PLGRKT: variants seen among roughly 807,000 people sequenced by gnomAD.
PLGRKT encodes plasminogen receptor with a C-terminal lysine, also known as plasminogen receptor (KT).
PLGRKT carries 22 observed loss-of-function variants against 18.5 expected under a neutral mutation model. The ratio of observed to expected loss-of-function variants is 1.19; its 90% confidence interval spans 0.85 to 1.70. The LOEUF (loss-of-function observed/expected upper bound fraction) is 1.70, where lower values mean the gene tolerates loss of function less well. PLGRKT is among the 40% of genes most tolerant of loss of function. The pLI, the probability that PLGRKT is intolerant of heterozygous loss-of-function variation, is 0.00. For synonymous variants in PLGRKT, 72 were observed against 52.8 expected (o/e 1.36, Z -1.58); for missense variants, 235 against 174.4 (o/e 1.35, Z -1.96).
At chr9:5,406,833 A>G (rs1227334996) in intron 3 of PLGRKT, among the ~76,000 whole-genome samples, 2 of 152,208 alleles carry the variant, frequency 1.3e-5, no homozygotes, top group South Asian at 2.1e-4. Flanking sequence ...ATTCACCACT[A>G]TAGAATTCAT....
At chr9:5,380,990 T>G (rs1817733079) in intron 3 of PLGRKT, among the ~76,000 whole-genome samples, 1 of 152,194 alleles carries the variant, frequency 6.6e-6, no homozygotes, top group Admixed American at 6.5e-5. Flanking sequence ...CACTTCCCCC[T>G]TTCTCTCTGT....
At chr9:5,390,996 C>T (rs1342534662) in intron 3 of PLGRKT, among the ~76,000 whole-genome samples, 1 of 151,784 alleles carries the variant, frequency 6.6e-6, no homozygotes, top group Non-Finnish European at 1.5e-5. Flanking sequence ...TTGCACTATT[C>T]GGTCTCTCCA....
chr9:5,415,146 T>C (rs1818435083), intron 3 of PLGRKT, among the ~76,000 whole-genome samples: 1 of 152,130 alleles, frequency 6.6e-6, no homozygotes, highest in African/African-American at 2.4e-5. Context: ...TGGCATATAT[T>C]GTGATCACAG....
intron 3 of PLGRKT, among the ~76,000 whole-genome samples, chr9:5,415,641 C>A (rs1818445268): frequency 6.6e-6 from 1 of 152,114 alleles, no homozygotes; most frequent in African/African-American, 2.4e-5. Context: ...TAAGACATAT[C>A]AACTTCATGT....
intron 2 of PLGRKT, among the ~76,000 whole-genome samples, chr9:5,432,684 G>C (rs938915114): frequency 7.2e-5 from 11 of 152,212 alleles, no homozygotes; most frequent in African/African-American, 2.7e-4. Context: ...TTTTGGTGGA[G>C]ACGGGGTTTT....
At chr9:5,423,896 A>C (rs931531325) in intron 3 of PLGRKT, among the ~76,000 whole-genome samples, 11 of 100,696 alleles carry the variant, frequency 1.1e-4, no homozygotes, top group Non-Finnish European at 2.0e-4. Flanking sequence ...TCTATAATAT[A>C]TATTACATAT....
chr9:5,417,580 AC>A (rs1818487910), intron 3 of PLGRKT, among the ~76,000 whole-genome samples: 1 of 151,898 alleles, frequency 6.6e-6, no homozygotes, highest in Non-Finnish European at 1.5e-5. Context: ...AAAAAAAAAA[AC>A]ACCTGCGAAT....
At chr9:5,394,896 T>C (rs969971524) in intron 3 of PLGRKT, among the ~76,000 whole-genome samples, 1 of 151,856 alleles carries the variant, frequency 6.6e-6, no homozygotes, top group African/African-American at 2.4e-5. Context: ...ATGGTGAAGC[T>C]GACTGCAACG....
At chr9:5,410,802 A>G (rs1273785236) in intron 3 of PLGRKT, among the ~76,000 whole-genome samples, 1 of 152,232 alleles carries the variant, frequency 6.6e-6, no homozygotes, top group African/African-American at 2.4e-5. Context: ...AAATGGCATC[A>G]GTATATCAAA....
At chr9:5,388,401 C>T (rs1563775385) in intron 3 of PLGRKT, among the ~76,000 whole-genome samples, 1 of 151,980 alleles carries the variant, frequency 6.6e-6, no homozygotes, top group Admixed American at 6.5e-5. Flanking sequence ...ATCTAAAATT[C>T]TGCCTGTTAC....
Position 5,418,510 on chromosome 9 carries a change from C to G in PLGRKT, c.81+13387G>C. ...CATGGAGCTTTTCACCATGCCCCGC[C>G]TGTCCTGCTCCTCCTCCGCCACCCC... On this transcript the variant is annotated intron_variant, in intron 3 of 5. Transcript: ENST00000223864. This position sits in a 1 kb window ranked among gnomAD's most constrained non-coding sequence, Gnocchi z 4.2. 1 of 1,047,558 alleles carries G rather than the reference C, an allele frequency of 9.5e-7. No homozygotes were observed. Among genetic ancestry groups the G allele is most frequent in the South Asian group, 1.2e-5 (1 of 80,006 alleles). 64.9% of individuals were successfully genotyped at this position (1,047,558 alleles called of 1,614,324 possible).
chr9:5,371,599 C>A (rs1817517507), intron 3 of PLGRKT, among the ~76,000 whole-genome samples: 1 of 152,140 alleles, frequency 6.6e-6, no homozygotes, highest in East Asian at 1.9e-4. Context: ...CCAATTAAAC[C>A]TCTTTTTCTC....
intron 3 of PLGRKT, among the ~76,000 whole-genome samples, chr9:5,394,184 C>G (rs375918930): frequency 6.6e-6 from 1 of 151,700 alleles, no homozygotes; most frequent in Non-Finnish European, 1.5e-5. Context: ...GATGTTGTGA[C>G]TAAGATTTAT....
chr9:5,403,805 C>G (rs561230013), intron 3 of PLGRKT, among the ~76,000 whole-genome samples: 2 of 152,192 alleles, frequency 1.3e-5, no homozygotes, highest in African/African-American at 4.8e-5. Context: ...GGCTCATGCA[C>G]TTTTCTTCAC....
chr9:5,432,484 G>C (rs896881982), intron 2 of PLGRKT, among the ~76,000 whole-genome samples: 2 of 152,032 alleles, frequency 1.3e-5, no homozygotes, highest in Non-Finnish European at 1.5e-5. Context: ...AGAAGATTGA[G>C]CTCTCCCTCT....
chr9:5,416,773 G>T (rs1306908159), intron 3 of PLGRKT, among the ~76,000 whole-genome samples: 1 of 152,182 alleles, frequency 6.6e-6, no homozygotes, highest in African/African-American at 2.4e-5. Flanking sequence ...TGCATGGAAG[G>T]GCTAGGCAGC....
chr9:5,380,983 T>G (rs1817732819), intron 3 of PLGRKT, among the ~76,000 whole-genome samples: 1 of 152,126 alleles, frequency 6.6e-6, no homozygotes, highest in Admixed American at 6.5e-5. Flanking sequence ...AGTGTGGCAC[T>G]TCCCCCTTTC....
intron 3 of PLGRKT, among the ~76,000 whole-genome samples, chr9:5,368,258 T>C (rs897445428): frequency 6.6e-6 from 1 of 152,048 alleles, no homozygotes; most frequent in African/African-American, 2.4e-5. Context: ...AATAAATAAT[T>C]TGACAAAAAA....
intron 3 of PLGRKT, among the ~76,000 whole-genome samples, chr9:5,364,587 C>T (rs962407137): frequency 2.0e-5 from 3 of 152,236 alleles, no homozygotes; most frequent in Admixed American, 1.3e-4. Context: ...AAATGTGTGG[C>T]ACAACCTCAA....
Sources: gnomAD v4.1 joint callset for allele counts (sites outside exome capture counted in the v4.1 genomes callset) on GRCh38, gnomAD v4.1.1 for gene constraint, Gnocchi (gnomAD v3.1) non-coding constraint, MANE v1.5 for transcripts, NCBI Gene and HGNC (gene_info 2026-07-23, HGNC 2026-07-21) for gene names.